The following DHX34 variants were observed in gnomAD, a reference collection of about 807,000 sequenced individuals.
The protein encoded by DHX34 is DExH-box helicase 34.
In DHX34, 96 loss-of-function variants were observed where a neutral mutation model predicts 111.1. That is an observed-to-expected ratio of 0.86 (90% CI 0.73 to 1.02). The LOEUF (loss-of-function observed/expected upper bound fraction) is 1.02, where lower values mean the gene tolerates loss of function less well. Among genes scored for constraint, DHX34 ranks in the 50% least tolerant of loss-of-function variants. The pLI is 0.00. For synonymous variants in DHX34, 688 were observed against 670.4 expected, an observed-to-expected ratio of 1.03 and a Z score of -0.41; for missense variants, 1,560 against 1,579.9, an observed-to-expected ratio of 0.99 and a Z score of 0.21.
intron 9 of DHX34, among the ~76,000 whole-genome samples, chr19:47,374,097 G>A (rs1226519080): frequency 6.6e-6 from 1 of 152,122 alleles, no homozygotes; most frequent in Non-Finnish European, 1.5e-5. Context: ...GTGTGTTACT[G>A]CTTGTCTCTG....
chr19:47,351,413 C>G (rs902648246), intron 1 of DHX34, among the ~76,000 whole-genome samples: 14 of 152,028 alleles, frequency 9.2e-5, no homozygotes, highest in African/African-American at 3.1e-4. Flanking sequence ...AAAAAAGACT[C>G]CAACTGTAAG....
intron 3 of DHX34, among the ~76,000 whole-genome samples, chr19:47,355,764 G>A (rs552405602): frequency 2.4e-4 from 36 of 151,906 alleles, no homozygotes; most frequent in African/African-American, 8.2e-4. Context: ...AGGCAGGAGA[G>A]TGGCGTGAAC....
chr19:47,374,260 A>G (rs1030794322), intron 9 of DHX34, among the ~76,000 whole-genome samples: 3 of 151,868 alleles, frequency 2.0e-5, no homozygotes, highest in South Asian at 2.1e-4. Flanking sequence ...AACATGGTAA[A>G]ACTCCGTCTC....
rs748184411 is a variant in DHX34, at chr19:47,367,007, C to T, written c.1620C>T (p.Pro540=). The part of the protein sequence containing the change: ...LQMKSMSVGD[P]RTFPFIEPPP... ...TGAAGAGCATGAGTGTGGGGGACCC[C>T]CGAACCTTCCCCTTCATCGAGCCCC... The change falls in exon 7 of 17, where the codon CCC becomes CCT. Residue 540 remains proline (P), a synonymous_variant. Coordinates refer to ENST00000328771, the MANE Select transcript of DHX34 (RefSeq NM_014681.6). 9 of 1,562,012 alleles carry T rather than the reference C, an allele frequency of 5.8e-6. No individual in the cohort carries two copies. The highest frequency in any genetic ancestry group is 7.8e-6 in the Non-Finnish European group (9 of 1,157,696).
At chr19:47,354,900 C>G in intron 2 of DHX34, 139 bp from the exon 3 acceptor site, 3 of 1,452,344 alleles carry the variant, frequency 2.1e-6, no homozygotes, top group Non-Finnish European at 2.7e-6. Context: ...GTGATCCGCC[C>G]GCCTCTGCCT....
At chr19:47,381,362 C>T (rs774446095) in intron 16 of DHX34, 38 bp downstream of exon 16, 2 of 1,591,360 alleles carry the variant, frequency 1.3e-6, no homozygotes, top group African/African-American at 2.7e-5. Context: ...CACCTCTGCC[C>T]AGCCGTCTGC....
chr19:47,364,951 G>A (rs560448875), intron 6 of DHX34, among the ~76,000 whole-genome samples: 3 of 152,108 alleles, frequency 2.0e-5, no homozygotes. Context: ...TTTACCATCC[G>A]GAGGCAGAAG....
intron 6 of DHX34, among the ~76,000 whole-genome samples, chr19:47,365,376 C>G (rs1379392100): frequency 6.6e-6 from 1 of 151,866 alleles, no homozygotes; most frequent in South Asian, 2.1e-4. Context: ...CTTGGCCTCC[C>G]GAGTAGCTGG....
At chr19:47,364,128 G>C (rs997437421) in intron 6 of DHX34, among the ~76,000 whole-genome samples, 1 of 152,048 alleles carries the variant, frequency 6.6e-6, no homozygotes, top group Non-Finnish European at 1.5e-5. Context: ...GGCTTTTCCT[G>C]CATATGTGTC....
In DHX34 at chr19:47,376,481, C is replaced by T; in HGVS notation, c.2520C>T (p.His840=). ...AGGCCAAGCAGGGCGCCGTGCTGCACCCCACCTGCGTCTTCGCTGGCAGCC... is the reference window on the plus strand; with the variant it reads ...AGGCCAAGCAGGGCGCCGTGCTGCATCCCACCTGCGTCTTCGCTGGCAGCC... ...HTQAKQGAVL[H]PTCVFAGSPE... Residue 840 remains histidine, a synonymous_variant, in exon 12 of 17, where the codon CAC becomes CAT. Coordinates refer to ENST00000328771, the MANE Select transcript of DHX34 (RefSeq NM_014681.6). 6.2e-7 allele frequency: 1 copy of T among 1,610,488 alleles called. No individual in the cohort carries two copies. Among genetic ancestry groups the T allele is most frequent in the Admixed American group, 1.7e-5 (1 of 59,672 alleles).
Position 47,377,175 on chromosome 19 carries a change from T to A in DHX34, c.2675T>A (p.Leu892Gln). ...CTGCTGGAGACCAACAAGCCGTACCTGGTGAACTGCGTCCGCATCCCTGCC... is the reference window on the plus strand; with the variant it reads ...CTGCTGGAGACCAACAAGCCGTACCAGGTGAACTGCGTCCGCATCCCTGCC... Reference protein sequence around the residue: ...VSLLETNKPYLVNCVRIPALQ... With the variant: ...VSLLETNKPYQVNCVRIPALQ... The change falls in exon 13 of 17, where the codon CTG (leucine) becomes CAG (glutamine). Residue 892 changes from leucine (L) to glutamine (Q), a missense_variant. Coordinates refer to ENST00000328771, the MANE Select transcript of DHX34 (RefSeq NM_014681.6). The A allele has an allele frequency of 6.2e-7, 1 of 1,613,910 alleles. No individual in the cohort carries two copies. The highest frequency in any genetic ancestry group is 8.5e-7 in the Non-Finnish European group (1 of 1,179,958).
intron 3 of DHX34, among the ~76,000 whole-genome samples, chr19:47,356,670 C>T (rs1024016636): frequency 2.0e-5 from 3 of 150,790 alleles, no homozygotes; most frequent in Admixed American, 6.6e-5. Flanking sequence ...AGAGAGAGTG[C>T]GAGCCGAGTG....
At chr19:47,380,095 TG>T in intron 14 of DHX34, 110 bp downstream of exon 14, 1 of 1,445,464 alleles carries the variant, frequency 6.9e-7, no homozygotes, top group Non-Finnish European at 9.1e-7. Flanking sequence ...TGGGCACATT[TG>T]GGGGTTTTCA....
chr19:47,362,434 G>C lies in DHX34; in HGVS notation c.1376-42G>C. 3 of 1,479,114 alleles carry C rather than the reference G, an allele frequency of 2.0e-6. No individual in the cohort carries two copies. In the South Asian group the frequency reaches 4.2e-5, roughly 21 times the overall value. 91.6% of individuals were successfully genotyped at this position (1,479,114 alleles called of 1,614,324 possible). Reference sequence around the variant, plus strand: ...CCAGGCGCGTGGCCAGCTGCACGTGGCTGCCACACACAGACTCCCTTTCCT... The same window carrying C: ...CCAGGCGCGTGGCCAGCTGCACGTGCCTGCCACACACAGACTCCCTTTCCT... On this transcript the variant is annotated intron_variant, in intron 5 of 16. Coordinates refer to ENST00000328771, the MANE Select transcript of DHX34 (RefSeq NM_014681.6).
intron 14 of DHX34, 45 bp from the exon 15 acceptor site, chr19:47,380,771 C>CT: frequency 6.2e-7 from 1 of 1,609,738 alleles, no homozygotes; most frequent in Non-Finnish European, 8.5e-7. Context: ...TTGGCGGCAT[C>CT]TCCCTGAGTC....
intron 1 of DHX34, 108 bp downstream of exon 1, chr19:47,349,460 T>G (rs1219433427): frequency 1.3e-5 from 2 of 151,920 alleles, no homozygotes; most frequent in Non-Finnish European, 1.5e-5. Flanking sequence ...GAGGGAAGTC[T>G]CGAGATGAGG....
chr19:47,379,573 C>G, intron 13 of DHX34, 137 bp from the exon 14 acceptor site: 2 of 1,473,194 alleles, frequency 1.4e-6, no homozygotes, highest in Non-Finnish European at 1.8e-6. Context: ...CCTGGTACAG[C>G]GGGTAGATGG....
At chr19:47,379,558 G>C in intron 13 of DHX34, 152 bp from the exon 14 acceptor site, 1 of 1,459,516 alleles carries the variant, frequency 6.9e-7, no homozygotes, top group Non-Finnish European at 9.0e-7. Flanking sequence ...GCACCCGAAG[G>C]GGTGCCTGGT....
chr19:47,372,665 C>A, intron 7 of DHX34, 65 bp from the exon 8 acceptor site: 1 of 1,479,832 alleles, frequency 6.8e-7, no homozygotes, highest in Admixed American at 2.3e-5. Context: ...GGCTGGGGCC[C>A]CGAGGGGTGA....
Sources: gnomAD v4.1 joint callset for allele counts (sites outside exome capture counted in the v4.1 genomes callset) on GRCh38, gnomAD v4.1.1 for gene constraint, MANE v1.5 for transcripts, NCBI Gene and HGNC (gene_info 2026-07-23, HGNC 2026-07-21) for gene names.